Variants in MYOZ3 observed in about 807,000 individuals in gnomAD.
MYOZ3 encodes the protein myozenin-3.
MYOZ3 carries 19 observed loss-of-function variants against 26.5 expected under a neutral mutation model. That is an observed-to-expected ratio of 0.72 (90% CI 0.50 to 1.05). The LOEUF (loss-of-function observed/expected upper bound fraction) is 1.05. Ranked by LOEUF, MYOZ3 falls within the 50% of genes least tolerant of loss-of-function variation. The pLI, the probability that MYOZ3 is intolerant of heterozygous loss-of-function variation, is 0.00. For missense variants in MYOZ3, 322 were observed against 337.1 expected, an observed-to-expected ratio of 0.96 and a Z score of 0.35; for synonymous variants, 135 against 138.8, an observed-to-expected ratio of 0.97 and a Z score of 0.19.
chr5:150,672,532 G>A (rs769531854), intron 6 of MYOZ3, 30 bp downstream of exon 6: 194 of 1,529,122 alleles, frequency 1.3e-4, no homozygotes, highest in Non-Finnish European at 1.7e-4. Context: ...CCGGGGGACA[G>A]ACCGGGAGGG....
At chr5:150,668,737 G>A (rs577725441) in intron 2 of MYOZ3, among the ~76,000 whole-genome samples, 3 of 152,326 alleles carry the variant, frequency 2.0e-5, no homozygotes, top group South Asian at 2.1e-4. Context: ...TTGGCCAAAC[G>A]TGAAAGTTTG....
chr5:150,672,631 TTGAC>T, intron 6 of MYOZ3, 129 bp downstream of exon 6: 1 of 1,128,600 alleles, frequency 8.9e-7, no homozygotes, highest in Non-Finnish European at 1.2e-6. Context: ...TTTCTATTCA[TTGAC>T]TGAGCTCTGG....
rs1759041413 is a variant in MYOZ3 at position 150,677,857 on chromosome 5, T to G, written c.*982T>G. The G allele has an allele frequency of 6.6e-6, 1 of 152,118 alleles. No homozygotes were observed. Among genetic ancestry groups the G allele is most frequent in the African/African-American group, 2.4e-5 (1 of 41,406 alleles). The allele number at this position is 152,118 out of a possible 1,614,324, so 9.4% of individuals were successfully genotyped here. On this transcript the variant is annotated 3_prime_UTR_variant, in exon 7 of 7. Transcript: ENST00000517768. ...TCACCCTAGGTGTGAGATGGGATTC[T>G]GGAAGCTTCCTGAAGGATTTGAGTG...
At chr5:150,664,316 C>G (rs889180145) in intron 2 of MYOZ3, among the ~76,000 whole-genome samples, 1 of 152,178 alleles carries the variant, frequency 6.6e-6, no homozygotes, top group African/African-American at 2.4e-5. Flanking sequence ...TACTGACGCT[C>G]TAACTAGAAG....
intron 5 of MYOZ3, 52 bp from the exon 6 acceptor site, chr5:150,672,288 T>G (rs2151448445): frequency 6.4e-7 from 1 of 1,550,816 alleles, no homozygotes; most frequent in Non-Finnish European, 8.7e-7. Context: ...GAGGTGGGGT[T>G]GGGGGCTGAG....
intron 2 of MYOZ3, among the ~76,000 whole-genome samples, chr5:150,666,989 CCT>C (rs1223786863): frequency 1.3e-5 from 2 of 152,060 alleles, no homozygotes; most frequent in Non-Finnish European, 2.9e-5. Flanking sequence ...GAACTCCTGA[CCT>C]CAAGTGATCC....
intron 6 of MYOZ3, among the ~76,000 whole-genome samples, chr5:150,674,290 G>T (rs777668355): frequency 6.6e-6 from 1 of 152,234 alleles, no homozygotes; most frequent in Non-Finnish European, 1.5e-5. Context: ...GGCCACTCAG[G>T]TTGCATCTCC....
chr5:150,671,484 G>C, intron 3 of MYOZ3, 113 bp from the exon 4 acceptor site: 1 of 1,076,400 alleles, frequency 9.3e-7, no homozygotes, highest in Non-Finnish European at 1.4e-6. Flanking sequence ...GTTCCCCGAT[G>C]ATGGGCGTTA....
At position 150,676,957 on chromosome 5, in the gene MYOZ3, T is replaced by A. The variant is rs1759020942; in HGVS notation, c.*82T>A. 7.1e-7 allele frequency: 1 copy of A among 1,400,030 alleles called. No individual in the cohort carries two copies. 86.7% of individuals were successfully genotyped at this position (1,400,030 alleles called of 1,614,324 possible). On this transcript the variant is annotated 3_prime_UTR_variant, in exon 7 of 7. Transcript: ENST00000517768. ...AGACTTGTGGACAGCACTTCACAGT[T>A]GAAGAAGGGCCTTCACACACAAAAC...
At position 150,678,054 on chromosome 5, in the gene MYOZ3, C is replaced by T. The variant is rs1759046012; in HGVS notation, c.*1179C>T. On this transcript the variant is annotated 3_prime_UTR_variant, in exon 7 of 7. Coordinates refer to ENST00000517768, the MANE Select transcript of MYOZ3 (RefSeq NM_001122853.3). ...GTGAGGGCCAGCATGGGGTGGGCTT[C>T]ACTAAGGAAATGGGGAAGGTTTTAG... The T allele has an allele frequency of 6.6e-6, 1 of 152,526 alleles. No individual in the cohort carries two copies. Among genetic ancestry groups the T allele is most frequent in the South Asian group, 2.1e-4 (1 of 4,820 alleles). The allele number at this position is 152,526 out of a possible 1,614,324, so 9.4% of individuals were successfully genotyped here. A position where few individuals can be genotyped will look rare whatever the true frequency, so the allele number is the denominator to read the frequency against.
intron 5 of MYOZ3, chr5:150,672,118 G>A (rs1281708449): frequency 1.1e-5 from 12 of 1,048,362 alleles, no homozygotes; most frequent in Non-Finnish European, 1.7e-5. Flanking sequence ...AGACCAACCC[G>A]CGCTGCGAAC....
Position 150,677,477 on chromosome 5 carries a change from A to G in MYOZ3, c.*602A>G, listed in dbSNP as rs1174165601. 6.5e-6 allele frequency: 1 copy of G among 152,690 alleles called. No individual in the cohort carries two copies. The highest frequency in any genetic ancestry group is 1.5e-5 in the Non-Finnish European group (1 of 68,294). The allele number at this position is 152,690 out of a possible 1,614,324, so 9.5% of individuals were successfully genotyped here. The stretch of plus-strand genomic sequence containing the variant: ...AACCAGTACTCCAGGTGATTCCAGC[A>G]TAACTTATCCATGGTTTGTGTCATT... On this transcript the variant is annotated 3_prime_UTR_variant, in exon 7 of 7. Transcript: ENST00000517768.
chr5:150,665,090 C>T (rs1758788334), intron 2 of MYOZ3, among the ~76,000 whole-genome samples: 1 of 151,778 alleles, frequency 6.6e-6, no homozygotes, highest in Non-Finnish European at 1.5e-5. Context: ...CCCGTGCTTA[C>T]CAGCTTTCTG....
chr5:150,675,539 A>C (rs930307320), intron 6 of MYOZ3, among the ~76,000 whole-genome samples: 1 of 151,808 alleles, frequency 6.6e-6, no homozygotes, highest in African/African-American at 2.4e-5. Flanking sequence ...TGCCCATCTA[A>C]TTTTTGTGTT....
At chr5:150,661,652 G>C (rs1758733945) in intron 1 of MYOZ3, among the ~76,000 whole-genome samples, 1 of 152,196 alleles carries the variant, frequency 6.6e-6, no homozygotes, top group African/African-American at 2.4e-5. Context: ...GTGGGGAATA[G>C]GTAATGGCTC....
intron 2 of MYOZ3, among the ~76,000 whole-genome samples, chr5:150,664,204 G>A (rs1758775689): frequency 1.3e-5 from 2 of 151,988 alleles, no homozygotes; most frequent in Non-Finnish European, 2.9e-5. Flanking sequence ...CTTCATATGT[G>A]GCATCCTTTT....
chr5:150,676,018 G>C (rs1301581801), intron 6 of MYOZ3, among the ~76,000 whole-genome samples: 1 of 152,184 alleles, frequency 6.6e-6, no homozygotes, highest in Non-Finnish European at 1.5e-5. Flanking sequence ...AGGAGAAATG[G>C]CATATCTGTT....
At chr5:150,672,829 G>C (rs1384614034) in intron 6 of MYOZ3, 1 of 291,734 alleles carries the variant, frequency 3.4e-6, no homozygotes, top group Non-Finnish European at 6.3e-6. Context: ...CACAAAACAA[G>C]GAAGCACCGG....
At chr5:150,672,134 G>T (rs1275387132) in intron 5 of MYOZ3, 3 of 1,027,826 alleles carry the variant, frequency 2.9e-6, no homozygotes, top group East Asian at 2.6e-5. Flanking sequence ...CGAACTCGTG[G>T]CTTCCTCACT....
Sources: gnomAD v4.1 joint callset for allele counts (sites outside exome capture counted in the v4.1 genomes callset) on GRCh38, gnomAD v4.1.1 for gene constraint, MANE v1.5 for transcripts, NCBI Gene and HGNC (gene_info 2026-07-23, HGNC 2026-07-21) for gene names.